The following SMYD3 variants were observed in gnomAD, a reference collection of about 807,000 sequenced individuals.
The protein encoded by SMYD3 is SET and MYND domain containing 3.
Under a neutral mutation model 57.7 loss-of-function variants are expected in SMYD3, and 36 were observed. The observed-to-expected ratio is 0.62, with a 90% confidence interval of 0.48 to 0.82. The LOEUF is 0.82. Ranked by LOEUF, SMYD3 falls within the 40% of genes least tolerant of loss-of-function variation. The probability of loss-of-function intolerance (pLI) is 0.00; values close to 1 mark genes in which losing one functional copy is unlikely to be tolerated. For missense variants in SMYD3, 515 were observed against 538.8 expected (o/e 0.96, Z 0.44); for synonymous variants, 211 against 195.0 (o/e 1.08, Z -0.68).
At chr1:246,044,461 C>A (rs2059929759) in intron 5 of SMYD3, among the ~76,000 whole-genome samples, 1 of 152,070 alleles carries the variant, frequency 6.6e-6, no homozygotes, top group Non-Finnish European at 1.5e-5. Context: ...CAAGAACTTG[C>A]AAATAAATGG....
chr1:245,763,940 G>A (rs12035406), intron 11 of SMYD3, 101 bp downstream of exon 11: 74,262 of 862,630 alleles, frequency 0.086, 5,485 homozygotes, highest in East Asian at 0.36. Context: ...GTGTGTATGC[G>A]TGCACACATA....
chr1:246,455,805 A>C (rs2067692866), intron 1 of SMYD3, among the ~76,000 whole-genome samples: 1 of 152,238 alleles, frequency 6.6e-6, no homozygotes, highest in Non-Finnish European at 1.5e-5. Context: ...ACTTTCATGC[A>C]TTCCTTTAAA....
chr1:246,328,844 C>T (rs921382888), intron 4 of SMYD3, among the ~76,000 whole-genome samples: 1 of 151,934 alleles, frequency 6.6e-6, no homozygotes, highest in African/African-American at 2.4e-5. Context: ...TCCCCACTCC[C>T]CCCACCCCAC....
At chr1:246,062,617 A>G (rs541973061) in intron 5 of SMYD3, among the ~76,000 whole-genome samples, 41 of 152,328 alleles carry the variant, frequency 2.7e-4, no homozygotes, top group African/African-American at 7.5e-4. Context: ...ATATTGATAT[A>G]TTTTAACATT....
intron 1 of SMYD3, among the ~76,000 whole-genome samples, chr1:246,402,271 T>G: frequency 6.8e-6 from 1 of 148,048 alleles, no homozygotes; most frequent in East Asian, 1.9e-4. Context: ...ATTATTAAAC[T>G]TGCCAACTAT....
intron 1 of SMYD3, among the ~76,000 whole-genome samples, chr1:246,391,977 C>T (rs2066580176): frequency 6.6e-6 from 1 of 152,186 alleles, no homozygotes; most frequent in Non-Finnish European, 1.5e-5. Flanking sequence ...CAGAAACTCC[C>T]ACTCATCCCT....
chr1:245,860,230 TG>T (rs2051464274), intron 9 of SMYD3, among the ~76,000 whole-genome samples: 1 of 151,944 alleles, frequency 6.6e-6, no homozygotes, highest in Non-Finnish European at 1.5e-5. Context: ...TGCCATCCCC[TG>T]CCCCCAATTC....
At chr1:246,201,662 C>A (rs1364566401) in intron 5 of SMYD3, among the ~76,000 whole-genome samples, 1 of 152,108 alleles carries the variant, frequency 6.6e-6, no homozygotes, top group East Asian at 1.9e-4. Flanking sequence ...AGAAATGTCA[C>A]GGAAGCATAA....
chr1:246,429,704 G>C (rs1012986182), intron 1 of SMYD3, among the ~76,000 whole-genome samples: 1 of 152,190 alleles, frequency 6.6e-6, no homozygotes, highest in African/African-American at 2.4e-5. Flanking sequence ...TGTCAGACAA[G>C]CAATATCCAC....
chr1:246,225,552 C>T (rs1489318247), intron 5 of SMYD3, among the ~76,000 whole-genome samples: 2 of 152,076 alleles, frequency 1.3e-5, no homozygotes, highest in African/African-American at 2.4e-5. Flanking sequence ...TGTGAGAGAG[C>T]TAGAGCACAG....
chr1:246,247,998 C>A (rs556256279), intron 5 of SMYD3, among the ~76,000 whole-genome samples: 10 of 152,272 alleles, frequency 6.6e-5, no homozygotes, highest in African/African-American at 2.2e-4. Context: ...CCTCTCACCA[C>A]CTTGCTGAAA....
At chr1:246,470,078 T>A (rs2067937439) in intron 1 of SMYD3, among the ~76,000 whole-genome samples, 1 of 152,244 alleles carries the variant, frequency 6.6e-6, no homozygotes, top group East Asian at 1.9e-4. Flanking sequence ...TCGGTTTTTT[T>A]ATTCTATAAA....
At chr1:246,150,270 C>G (rs1237081295) in intron 5 of SMYD3, among the ~76,000 whole-genome samples, 3 of 152,182 alleles carry the variant, frequency 2.0e-5, no homozygotes, top group Non-Finnish European at 4.4e-5. Flanking sequence ...ATATTCCATT[C>G]TCTTTCAAAA....
At chr1:246,172,364 G>A (rs1010748922) in intron 5 of SMYD3, among the ~76,000 whole-genome samples, 7 of 145,926 alleles carry the variant, frequency 4.8e-5, no homozygotes, top group African/African-American at 7.7e-5. Context: ...TATCAACACT[G>A]CACACTTAGG....
At chr1:245,941,729 G>T (rs1209838437) in intron 5 of SMYD3, among the ~76,000 whole-genome samples, 1 of 151,962 alleles carries the variant, frequency 6.6e-6, no homozygotes, top group African/African-American at 2.4e-5. Flanking sequence ...CAACATGTTG[G>T]CCAGGCTGGT....
At chr1:245,844,959 AGAAAAATTTCT>A (rs2148432195) in intron 10 of SMYD3, among the ~76,000 whole-genome samples, 1 of 152,346 alleles carries the variant, frequency 6.6e-6, no homozygotes, top group East Asian at 1.9e-4. Flanking sequence ...ACTAAACACT[AGAAAAATTTCT>A]CCAGCCTATT....
chr1:246,080,083 T>C (rs12069551), intron 5 of SMYD3, among the ~76,000 whole-genome samples: 26,067 of 152,120 alleles, frequency 0.17, 4,120 homozygotes, highest in African/African-American at 0.42. Flanking sequence ...ATTTATCCTA[T>C]ATATATCCTT....
chr1:246,200,632 A>T (rs1323798296), intron 5 of SMYD3, among the ~76,000 whole-genome samples: 2 of 146,880 alleles, frequency 1.4e-5, no homozygotes, highest in Admixed American at 1.3e-4. Flanking sequence ...AGAGGAGAAC[A>T]GCGTAGACAC....
At chr1:246,283,696 C>T (rs1476731645) in intron 5 of SMYD3, among the ~76,000 whole-genome samples, 8 of 152,242 alleles carry the variant, frequency 5.3e-5, no homozygotes, top group African/African-American at 1.7e-4. Context: ...ATTGCCACAG[C>T]GATAACATCT....
Sources: allele counts gnomAD v4.1 joint callset (sites outside exome capture counted in the v4.1 genomes callset), GRCh38; gene constraint gnomAD v4.1.1; transcripts MANE v1.5; gene names NCBI Gene and HGNC (gene_info 2026-07-23, HGNC 2026-07-21).